PLXDC1: variants seen among roughly 807,000 people sequenced by gnomAD.
The protein encoded by PLXDC1 is plexin domain-containing protein 1.
Under a neutral mutation model 61.3 loss-of-function variants are expected in PLXDC1, and 39 were observed. That is an observed-to-expected ratio of 0.64 (90% CI 0.49 to 0.83). PLXDC1 has a LOEUF of 0.83. PLXDC1 is among the 40% of genes least tolerant of loss of function. The pLI is 0.00. For synonymous variants in PLXDC1, 212 were observed against 254.5 expected, an observed-to-expected ratio of 0.83 and a Z score of 1.59; for missense variants, 596 against 666.5, an observed-to-expected ratio of 0.89 and a Z score of 1.17.
At chr17:39,129,807 G>A (rs906169011) in intron 2 of PLXDC1, among the ~76,000 whole-genome samples, 9 of 151,202 alleles carry the variant, frequency 6.0e-5, no homozygotes, top group African/African-American at 2.2e-4. Flanking sequence ...AAGAAAGAAA[G>A]GGAAAGAAAT....
At chr17:39,090,891 C>CTG (rs1909924569) in intron 7 of PLXDC1, among the ~76,000 whole-genome samples, 5 of 137,560 alleles carry the variant, frequency 3.6e-5, no homozygotes, top group African/African-American at 1.3e-4. Context: ...CCCTCTGTCT[C>CTG]TCTCTCTCTA....
At chr17:39,096,468 C>T (rs1910205991) in intron 7 of PLXDC1, among the ~76,000 whole-genome samples, 1 of 152,228 alleles carries the variant, frequency 6.6e-6, no homozygotes, top group Admixed American at 6.5e-5. Context: ...TCCCTGCACC[C>T]ACTTCCTCAC....
intron 12 of PLXDC1, among the ~76,000 whole-genome samples, chr17:39,071,332 G>A (rs1467233401): frequency 7.3e-6 from 1 of 136,776 alleles, no homozygotes; most frequent in Non-Finnish European, 1.6e-5. Flanking sequence ...AGATGAGCAG[G>A]TTGGCAACAA....
chr17:39,072,728 G>A (rs569381906), intron 11 of PLXDC1: 41 of 549,504 alleles, frequency 7.5e-5, no homozygotes, highest in African/African-American at 7.2e-4. Context: ...GCTGCCTGGA[G>A]AGCAATAGGA....
At chr17:39,092,139 C>T (rs761605872) in intron 7 of PLXDC1, among the ~76,000 whole-genome samples, 28 of 151,914 alleles carry the variant, frequency 1.8e-4, no homozygotes, top group Non-Finnish European at 2.8e-4. Flanking sequence ...AGTGTAATGG[C>T]GCAATCACAG....
At chr17:39,107,065 T>G (rs938085012) in intron 6 of PLXDC1, among the ~76,000 whole-genome samples, 1 of 152,232 alleles carries the variant, frequency 6.6e-6, no homozygotes, top group African/African-American at 2.4e-5. Flanking sequence ...TCCTCTTTGC[T>G]TCCTGAACTC....
intron 9 of PLXDC1, chr17:39,079,590 C>G: frequency 2.2e-6 from 1 of 456,434 alleles, no homozygotes; most frequent in Non-Finnish European, 4.4e-6. Context: ...CAACACCTCC[C>G]CATGTGATCA....
At chr17:39,128,106 T>TATATATATACATATATAC (rs1567769551) in intron 2 of PLXDC1, among the ~76,000 whole-genome samples, 1 of 98,486 alleles carries the variant, frequency 1.0e-5, no homozygotes, top group South Asian at 3.3e-4. Flanking sequence ...TGTATATATA[T>TATATATATACATATATAC]ATATATATGT....
At chr17:39,139,607 T>TG in intron 2 of PLXDC1, 47 bp downstream of exon 2, 5 of 1,504,852 alleles carry the variant, frequency 3.3e-6, no homozygotes, top group African/African-American at 1.4e-5. Flanking sequence ...TGGTGAGACC[T>TG]CCCCCACCCC....
intron 2 of PLXDC1, among the ~76,000 whole-genome samples, chr17:39,139,056 A>C (rs1712865854): frequency 6.6e-6 from 1 of 152,114 alleles, no homozygotes; most frequent in African/African-American, 2.4e-5. Context: ...ACCCCCAGAC[A>C]CACCGAGGCT....
chr17:39,107,175 C>T (rs748793972), intron 6 of PLXDC1, among the ~76,000 whole-genome samples: 7 of 152,244 alleles, frequency 4.6e-5, no homozygotes, highest in Non-Finnish European at 1.0e-4. Context: ...GCACCAGGCA[C>T]CTCTACTTGG....
chr17:39,107,757 C>T (rs1324827627), intron 5 of PLXDC1: 1 of 588,972 alleles, frequency 1.7e-6, no homozygotes, highest in Admixed American at 3.0e-5. Flanking sequence ...TTGATCATCT[C>T]TTTCCCTTTC....
intron 2 of PLXDC1, among the ~76,000 whole-genome samples, chr17:39,123,804 A>C (rs1192637368): frequency 1.3e-5 from 2 of 152,202 alleles, no homozygotes; most frequent in Non-Finnish European, 2.9e-5. Context: ...ATTTCTGGAC[A>C]GGAACTCTGG....
intron 7 of PLXDC1, 36 bp downstream of exon 7, chr17:39,105,818 C>T: frequency 7.3e-7 from 1 of 1,374,526 alleles, no homozygotes; most frequent in South Asian, 1.2e-5. Flanking sequence ...GAGTCCTACC[C>T]CCATCAAGGC....
At chr17:39,134,744 A>G (rs1234945694) in intron 2 of PLXDC1, among the ~76,000 whole-genome samples, 1 of 152,098 alleles carries the variant, frequency 6.6e-6, no homozygotes, top group East Asian at 1.9e-4. Context: ...CCATTCCTCC[A>G]GGGACAAGAG....
intron 4 of PLXDC1, among the ~76,000 whole-genome samples, chr17:39,108,501 C>T (rs985765522): frequency 6.6e-6 from 1 of 152,118 alleles, no homozygotes; most frequent in Non-Finnish European, 1.5e-5. Flanking sequence ...GGAGAGGACT[C>T]ACAGCTTTCC....
rs1057227498 is a variant in PLXDC1, at chr17:39,097,880, C to T, written c.811+7974G>A. ...TTGTGCTACTGCACTTCGGCCTGAG[C>T]GACAGAGCAAGACCCTGTCTATAAA... On this transcript the variant is annotated intron_variant, in intron 7 of 13. Coordinates refer to ENST00000315392, the MANE Select transcript of PLXDC1 (RefSeq NM_020405.5). Among the ~76,000 whole-genome samples the T allele has an allele frequency of 3.7e-5, 5 of 136,236 alleles. No individual in the cohort carries two copies. The South Asian group carries it at 7.0e-4, about 19-fold the overall frequency. The allele number at this position is 136,236 out of a possible 152,430, so 89.4% of individuals were successfully genotyped here.
At chr17:39,086,044 G>A (rs192425370) in intron 8 of PLXDC1, among the ~76,000 whole-genome samples, 6 of 152,100 alleles carry the variant, frequency 3.9e-5, no homozygotes, top group East Asian at 1.9e-4. Context: ...AAAATTCACC[G>A]GAGGGGTGAG....
chr17:39,150,777 G>A (rs913257115), intron 1 of PLXDC1, among the ~76,000 whole-genome samples: 3 of 152,136 alleles, frequency 2.0e-5, no homozygotes, highest in African/African-American at 7.2e-5. Context: ...GGCTGGGGGT[G>A]CAGAAGCAGC....
Sources: allele counts gnomAD v4.1 joint callset (sites outside exome capture counted in the v4.1 genomes callset), GRCh38; gene constraint gnomAD v4.1.1; transcripts MANE v1.5; gene names NCBI Gene and HGNC (gene_info 2026-07-23, HGNC 2026-07-21).